The following TLCD4 variants were observed in gnomAD, a reference collection of about 807,000 sequenced individuals.
The protein encoded by TLCD4 is TLC domain containing 4.
Under a neutral mutation model 24.2 loss-of-function variants are expected in TLCD4, and 7 were observed. The ratio of observed to expected loss-of-function variants is 0.29; its 90% CI spans 0.16 to 0.54. The LOEUF is 0.54. Ranked by LOEUF, TLCD4 falls within the 20% of genes least tolerant of loss-of-function variation. The probability of loss-of-function intolerance (pLI) is 0.95; values close to 1 mark genes in which losing one functional copy is unlikely to be tolerated. For synonymous variants in TLCD4, 103 were observed against 106.4 expected (o/e 0.97, Z 0.20); for missense variants, 259 against 313.9 (o/e 0.82, Z 1.32).
At chr1:95,142,803 AACCGAGTG>A (rs1418059268) in intron 1 of TLCD4, among the ~76,000 whole-genome samples, 2 of 152,076 alleles carry the variant, frequency 1.3e-5, no homozygotes, top group Admixed American at 1.3e-4. Context: ...TACAAAAATT[AACCGAGTG>A]TGGTGGTGCG....
intron 6 of TLCD4, among the ~76,000 whole-genome samples, chr1:95,176,076 G>A (rs1678413933): frequency 6.6e-6 from 1 of 151,592 alleles, no homozygotes; most frequent in Admixed American, 6.6e-5. Flanking sequence ...GTGCCTGGCT[G>A]GTCATGCGGT....
intron 5 of TLCD4, among the ~76,000 whole-genome samples, chr1:95,158,188 C>CTTTTT (rs5776255): frequency 7.8e-6 from 1 of 128,794 alleles, no homozygotes; most frequent in African/African-American, 2.9e-5. Context: ...TTAATTTTTT[C>CTTTTT]TTTTTTTTTT....
chr1:95,189,135 T>G (rs1678937316), intron 6 of TLCD4, among the ~76,000 whole-genome samples: 1 of 152,204 alleles, frequency 6.6e-6, no homozygotes, highest in Non-Finnish European at 1.5e-5. Context: ...GTTCCCACTA[T>G]TTTTCATCAA....
chr1:95,160,152 TC>T (rs1244315437), intron 5 of TLCD4, among the ~76,000 whole-genome samples: 1 of 152,222 alleles, frequency 6.6e-6, no homozygotes, highest in East Asian at 1.9e-4. Flanking sequence ...GGAATGCTCT[TC>T]CATTTGTTTG....
At chr1:95,122,971 ATTT>A (rs879277117) in intron 1 of TLCD4, among the ~76,000 whole-genome samples, 1 of 147,820 alleles carries the variant, frequency 6.8e-6, no homozygotes, top group African/African-American at 2.5e-5. Context: ...TATGGACATG[ATTT>A]TTTTTTTTTT....
chr1:95,095,144 A>G, the TLCD4 span, among the ~76,000 whole-genome samples: 9 of 152,264 alleles, frequency 5.9e-5, no homozygotes, highest in Admixed American at 5.9e-4. Context: ...AATAAATGTC[A>G]TGATTGCCTT....
At chr1:95,137,417 T>C (rs910850557) in intron 1 of TLCD4, among the ~76,000 whole-genome samples, 4 of 152,158 alleles carry the variant, frequency 2.6e-5, no homozygotes, top group African/African-American at 9.7e-5. Context: ...CCAGCAGTGG[T>C]TCTCACTGGG....
At chr1:95,160,005 A>T (rs1677740507) in intron 5 of TLCD4, among the ~76,000 whole-genome samples, 1 of 152,262 alleles carries the variant, frequency 6.6e-6, no homozygotes, top group South Asian at 2.1e-4. Flanking sequence ...TTTTCATTCC[A>T]TATGAACTTT....
chr1:95,157,634 C>A (rs1296149713), intron 5 of TLCD4, among the ~76,000 whole-genome samples: 1 of 152,198 alleles, frequency 6.6e-6, no homozygotes, highest in African/African-American at 2.4e-5. Context: ...TGTTAAATGG[C>A]AGTTGAGGCT....
intron 6 of TLCD4, among the ~76,000 whole-genome samples, chr1:95,176,911 G>GTA (rs750640148): frequency 6.6e-6 from 1 of 152,196 alleles, no homozygotes. Context: ...TCCCCATTGT[G>GTA]TAGTCTTGGT....
the TLCD4 span, among the ~76,000 whole-genome samples, chr1:95,097,706 C>T: frequency 3.3e-5 from 5 of 152,106 alleles, no homozygotes; most frequent in Admixed American, 3.3e-4. Context: ...AGACTCTTGC[C>T]CCCTTTTGAA....
chr1:95,139,433 A>G (rs1026063179), intron 1 of TLCD4, among the ~76,000 whole-genome samples: 2 of 147,654 alleles, frequency 1.4e-5, no homozygotes, highest in African/African-American at 5.0e-5. Flanking sequence ...TTATTTTATA[A>G]ACTTTTTTAT....
At chr1:95,113,184 A>T (rs934037091), upstream of TLCD4, among the ~76,000 whole-genome samples, 4 of 151,710 alleles carry the variant, frequency 2.6e-5, no homozygotes, top group Admixed American at 1.3e-4. Flanking sequence ...CTGGGATTAC[A>T]GGCGTGCGCC....
chr1:95,116,059 T>C (rs1029656676), upstream of TLCD4, among the ~76,000 whole-genome samples: 1 of 152,196 alleles, frequency 6.6e-6, no homozygotes, highest in African/African-American at 2.4e-5. Flanking sequence ...TGGTACATCC[T>C]GAGAGTCTTG....
At chr1:95,159,445 T>C (rs538125851) in intron 5 of TLCD4, among the ~76,000 whole-genome samples, 4 of 152,202 alleles carry the variant, frequency 2.6e-5, no homozygotes, top group Non-Finnish European at 5.9e-5. Context: ...AAATTTTCTC[T>C]CATTCTGTAG....
the TLCD4 span, among the ~76,000 whole-genome samples, chr1:95,097,026 G>T: frequency 1.3e-5 from 2 of 152,070 alleles, no homozygotes; most frequent in Admixed American, 1.3e-4. Flanking sequence ...CATCTCTTCT[G>T]TCTTGTCCCC....
the TLCD4 span, among the ~76,000 whole-genome samples, chr1:95,101,614 T>A: frequency 6.6e-6 from 1 of 152,138 alleles, no homozygotes; most frequent in African/African-American, 2.4e-5. Context: ...GAAACTCTGA[T>A]TTACAAGGTT....
the TLCD4 span, among the ~76,000 whole-genome samples, chr1:95,104,577 G>A: frequency 6.7e-6 from 1 of 150,334 alleles, no homozygotes. Flanking sequence ...AGGCAGACGA[G>A]TGGCATGAAC....
At chr1:95,145,542 A>G (rs910166474) in intron 2 of TLCD4, among the ~76,000 whole-genome samples, 2 of 152,186 alleles carry the variant, frequency 1.3e-5, no homozygotes, top group Non-Finnish European at 2.9e-5. Flanking sequence ...CTAGCACAAA[A>G]ATATTGTTCA....
Sources: allele counts gnomAD v4.1 joint callset (sites outside exome capture counted in the v4.1 genomes callset), GRCh38; gene constraint gnomAD v4.1.1; transcripts MANE v1.5; gene names NCBI Gene and HGNC (gene_info 2026-07-23, HGNC 2026-07-21).